Variants in FOXM1 observed in about 807,000 individuals in gnomAD.
FOXM1 encodes forkhead box protein M1.
In FOXM1, 25 loss-of-function variants were observed where a neutral mutation model predicts 63.6. That is an observed-to-expected ratio of 0.39 (90% CI 0.29 to 0.55). The LOEUF (loss-of-function observed/expected upper bound fraction) is 0.55. Ranked by LOEUF, FOXM1 falls within the 20% of genes least tolerant of loss-of-function variation. FOXM1 has a pLI of 0.60. For synonymous variants in FOXM1, 387 were observed against 376.9 expected, an observed-to-expected ratio of 1.03 and a Z score of -0.31; for missense variants, 879 against 958.7, an observed-to-expected ratio of 0.92 and a Z score of 1.10.
In FOXM1 at chr12:2,865,369, C is replaced by G. The variant is rs148049927; in HGVS notation, c.1006G>C (p.Glu336Gln). 2 of 1,610,412 alleles carry G rather than the reference C, an allele frequency of 1.2e-6. No homozygotes were observed. Among genetic ancestry groups the G allele is most frequent in the African/African-American group, 2.7e-5 (2 of 74,728 alleles). The change falls in exon 6 of 9, where the codon GAG (glutamate) becomes CAG (glutamine). Residue 336 changes from glutamate (E) to glutamine (Q), a missense_variant. Glu to Gln is a conservative substitution (Grantham distance 29). This residue lies in a region of FOXM1 where 76 missense variants were observed against 94.5 expected (regional missense o/e 0.80). Transcript: ENST00000359843. Reference sequence around the variant, plus strand: ...AAGAACCTTACTGATTCCAAGTGCTCGGGCAATTGTGGAGACCCTGGGTCC... The same window carrying G: ...AAGAACCTTACTGATTCCAAGTGCTGGGGCAATTGTGGAGACCCTGGGTCC... Reference protein sequence around the residue: ...PLDPGSPQLPEHLESQQKRPN... With the variant: ...PLDPGSPQLPQHLESQQKRPN...
rs754141024 is a variant in FOXM1, at chr12:2,874,497, C to G, written c.-19G>C. The G allele has an allele frequency of 6.3e-7, 1 of 1,588,868 alleles. No homozygotes were observed. The highest frequency in any genetic ancestry group is 8.5e-7 in the Non-Finnish European group (1 of 1,170,330). On this transcript the variant is annotated 5_prime_UTR_variant, in exon 2 of 9. Coordinates refer to ENST00000359843, the MANE Select transcript of FOXM1 (RefSeq NM_021953.4). The surrounding 1 kb of genome is among the most constrained non-coding windows in gnomAD (Gnocchi z 4.3). The stretch of plus-strand genomic sequence containing the variant: ...TTTTCATTATGAATCTGCGTTTTCA[C>G]TCTCCATTGAGAATCACAAGTGTGG...
In FOXM1 at chr12:2,874,687, AG is replaced by A. The variant is rs1348038944; in HGVS notation, c.-47-163del. Among the ~76,000 whole-genome samples, 1 of 152,162 alleles carries A rather than the reference AG, an allele frequency of 6.6e-6. No individual in the cohort carries two copies. The highest frequency in any genetic ancestry group is 2.4e-5 in the African/African-American group (1 of 41,442). ...AAAGACCTCAGATAATAAGGAGATA[AG>A]CTTTACTGACAAAAGAAGGCTAAAA... On this transcript the variant is annotated intron_variant, in intron 1 of 8. Transcript: ENST00000359843. The surrounding 1 kb of genome is among the most constrained non-coding windows in gnomAD (Gnocchi z 4.3).
rs1020586027 is a variant in FOXM1 at position 2,864,339 on chromosome 12, C to T, written c.1247G>A (p.Arg416Gln). Residue 416 changes from arginine to glutamine, a missense_variant, in exon 8 of 9, where the codon CGA becomes CAA. Arg to Gln is a conservative substitution (Grantham distance 43). This residue lies in a region of FOXM1 where 486 missense variants were observed against 453.5 expected (regional missense o/e 1.07). Coordinates refer to ENST00000359843, the MANE Select transcript of FOXM1 (RefSeq NM_021953.4). The surrounding 1 kb of genome is among the most constrained non-coding windows in gnomAD (Gnocchi z 5.1). ...ACCCACCTTGGGGGCAATGCGGACT[C>T]GCTTGCTATGGCGGGCAAGCTCTGA... ...MSSELARHSK[R>Q]VRIAPKVLLA... 3 of 1,613,250 alleles carry T rather than the reference C, an allele frequency of 1.9e-6. No homozygotes were observed. Among genetic ancestry groups the T allele is most frequent in the Non-Finnish European group, 2.5e-6 (3 of 1,179,468 alleles).
intron 8 of FOXM1, among the ~76,000 whole-genome samples, chr12:2,860,780 G>A (rs577515067): frequency 2.6e-5 from 4 of 151,478 alleles, no homozygotes; most frequent in East Asian, 1.9e-4. Context: ...GCTGAGGCAC[G>A]AGAATTGCTT....
At chr12:2,875,868 C>T (rs977394419) in intron 1 of FOXM1, among the ~76,000 whole-genome samples, 1 of 150,502 alleles carries the variant, frequency 6.6e-6, no homozygotes, top group Non-Finnish European at 1.5e-5. Context: ...TCAAGCGATT[C>T]TCCTGCCTCA....
At position 2,858,826 on chromosome 12, in the gene FOXM1, G is replaced by C; in HGVS notation, c.2104C>G (p.Pro702Ala). 6.2e-7 allele frequency: 1 copy of C among 1,614,192 alleles called. No individual in the cohort carries two copies. Among genetic ancestry groups the C allele is most frequent in the Non-Finnish European group, 8.5e-7 (1 of 1,180,016 alleles). The change falls in exon 9 of 9, where the codon CCA becomes GCA. Residue 702 changes from proline (P) to alanine (A), a missense_variant. Pro to Ala is a conservative substitution (Grantham distance 27). Transcript: ENST00000359843. Reference protein sequence around the residue: ...SSPSDIDVPKPGSPEPQVSGL... With the variant: ...SSPSDIDVPKAGSPEPQVSGL... ...GAAACCTGTGGCTCCGGGGAGCCTGGCTTGGGGACGTCTATATCTGAGGGA... is the reference window on the plus strand; with the variant it reads ...GAAACCTGTGGCTCCGGGGAGCCTGCCTTGGGGACGTCTATATCTGAGGGA...
At chr12:2,866,604 C>T (rs1603500768) in intron 4 of FOXM1, 83 bp from the exon 5 acceptor site, 1 of 1,395,594 alleles carries the variant, frequency 7.2e-7, no homozygotes, top group Non-Finnish European at 9.5e-7. Flanking sequence ...AAACCAGCCT[C>T]AGGCCCCTCC....
rs1397784436 is a variant in FOXM1 at position 2,873,987 on chromosome 12, C to T, written c.492G>A (p.Arg164=). ...RPPGALCEQK[R]ETCADGEAAG... ...TGGAAGACCACATACCACAGGTCTCCCGTTTCTGCTCGCAAAGGGCTCCAG... is the reference window on the plus strand; with the variant it reads ...TGGAAGACCACATACCACAGGTCTCTCGTTTCTGCTCGCAAAGGGCTCCAG... Residue 164 remains arginine, a synonymous_variant, in exon 2 of 9, where the codon CGG becomes CGA. Transcript: ENST00000359843. 6.2e-7 allele frequency: 1 copy of T among 1,612,108 alleles called. No homozygotes were observed. The highest frequency in any genetic ancestry group is 1.1e-5 in the South Asian group (1 of 90,948).
At chr12:2,860,578 G>T (rs1175828280) in intron 8 of FOXM1, among the ~76,000 whole-genome samples, 1 of 152,158 alleles carries the variant, frequency 6.6e-6, no homozygotes, top group African/African-American at 2.4e-5. Context: ...TAACAACAAA[G>T]AGCTCTCACA....
At chr12:2,866,273 G>A (rs1235112362) in intron 5 of FOXM1, 120 bp downstream of exon 5, 2 of 995,790 alleles carry the variant, frequency 2.0e-6, no homozygotes, top group Non-Finnish European at 2.8e-6. Flanking sequence ...CTAATTGGGT[G>A]GCTGGCTTCT....
At chr12:2,859,744 CTT>C (rs1355802038) in intron 8 of FOXM1, 81 bp from the exon 9 acceptor site, 2 of 1,045,026 alleles carry the variant, frequency 1.9e-6, no homozygotes, top group Non-Finnish European at 1.4e-6. Flanking sequence ...TTCTGATCCT[CTT>C]TGTGTCGTTT....
intron 3 of FOXM1, 145 bp from the exon 4 acceptor site, chr12:2,868,899 A>C: frequency 1.8e-6 from 1 of 559,986 alleles, no homozygotes. Flanking sequence ...TCATAGAATA[A>C]AATTTTAGAG....
chr12:2,865,448 C>T, intron 5 of FOXM1, 49 bp from the exon 6 acceptor site: 1 of 1,486,760 alleles, frequency 6.7e-7, no homozygotes, highest in Non-Finnish European at 9.3e-7. Flanking sequence ...AAGTTACCAC[C>T]AACGTGGTCA....
intron 3 of FOXM1, 86 bp from the exon 4 acceptor site, chr12:2,868,840 C>A (rs1269545400): frequency 1.9e-6 from 2 of 1,069,576 alleles, no homozygotes; most frequent in Non-Finnish European, 2.7e-6. Context: ...CTAGAGAAAC[C>A]TTTATCCCAT....
Position 2,858,620 on chromosome 12 carries a change from A to AG in FOXM1, c.*17dup, listed in dbSNP as rs746716525. On this transcript the variant is annotated 3_prime_UTR_variant, in exon 9 of 9. Coordinates refer to ENST00000359843, the MANE Select transcript of FOXM1 (RefSeq NM_021953.4). ...CCGGGATGGTGGACAGCTTGAGCAC[A>AG]GGGGCAAGGGCAGGGCTCTACTGTA... 5.1e-5 allele frequency: 82 copies of AG among 1,605,058 alleles called. No individual in the cohort carries two copies. Among genetic ancestry groups the AG allele is most frequent in the Admixed American group, 1.0e-4 (6 of 59,548 alleles).
chr12:2,865,283 G>A, intron 6 of FOXM1, 72 bp downstream of exon 6: 1 of 1,353,908 alleles, frequency 7.4e-7, no homozygotes, highest in East Asian at 2.3e-5. Flanking sequence ...TCTTGTCTCT[G>A]TCCACTAAAG....
chr12:2,865,914 A>G (rs940311708), intron 5 of FOXM1, among the ~76,000 whole-genome samples: 5 of 152,056 alleles, frequency 3.3e-5, no homozygotes, highest in African/African-American at 1.2e-4. Context: ...CAGCCTCCCA[A>G]AGTGCTGGGA....
Position 2,874,276 on chromosome 12 carries a change from G to A in FOXM1, c.203C>T (p.Pro68Leu). The change falls in exon 2 of 9, where the codon CCC (proline) becomes CTC (leucine). Residue 68 changes from proline (P) to leucine (L), a missense_variant. Physicochemically the swap from Pro to Leu is moderately conservative, Grantham distance 98 (BLOSUM62 -3). This residue lies in a region of FOXM1 where 255 missense variants were observed against 292.4 expected (regional missense o/e 0.87). Coordinates refer to ENST00000359843, the MANE Select transcript of FOXM1 (RefSeq NM_021953.4). The surrounding 1 kb of genome is among the most constrained non-coding windows in gnomAD (Gnocchi z 4.3). ...FPAGIKIINH[P>L]TMPNTQVVAI... ...CACTACTTGCGTGTTGGGCATGGTG[G>A]GGTGGTTAATAATCTTGATCCCAGC... 1.2e-6 allele frequency: 2 copies of A among 1,614,124 alleles called. No homozygotes were observed. Among genetic ancestry groups the A allele is most frequent in the South Asian group, 2.2e-5 (2 of 91,080 alleles).
rs1395875524 is a variant in FOXM1, at chr12:2,858,574, G to A, written c.*64C>T. 44 of 1,411,756 alleles carry A rather than the reference G, an allele frequency of 3.1e-5. No homozygotes were observed. The highest frequency in any genetic ancestry group is 4.1e-5 in the Non-Finnish European group (42 of 1,024,364). 87.5% of individuals were successfully genotyped at this position (1,411,756 alleles called of 1,614,324 possible). ...TGCTGTCCTCACTCAGAGGCTTGGGGTGCACTGAGCCTTGGAGTGCCCGGG... is the reference window on the plus strand; with the variant it reads ...TGCTGTCCTCACTCAGAGGCTTGGGATGCACTGAGCCTTGGAGTGCCCGGG... On this transcript the variant is annotated 3_prime_UTR_variant, in exon 9 of 9. Coordinates refer to ENST00000359843, the MANE Select transcript of FOXM1 (RefSeq NM_021953.4).
Sources: allele counts gnomAD v4.1 joint callset (sites outside exome capture counted in the v4.1 genomes callset), GRCh38; gene constraint gnomAD v4.1.1; regional missense constraint gnomAD v4.1.1; non-coding constraint Gnocchi (gnomAD v3.1); transcripts MANE v1.5; gene names NCBI Gene and HGNC (gene_info 2026-07-23, HGNC 2026-07-21).